The following BAZ2B variants were observed in gnomAD, a reference collection of about 807,000 sequenced individuals.
The protein encoded by BAZ2B is bromodomain adjacent to zinc finger domain protein 2B.
Under a neutral mutation model 246.0 loss-of-function variants are expected in BAZ2B, and 91 were observed. The observed-to-expected ratio is 0.37, with a 90% CI of 0.31 to 0.44. BAZ2B has a LOEUF of 0.44. BAZ2B is among the 20% of genes least tolerant of loss of function. BAZ2B has a pLI of 1.00. For synonymous variants in BAZ2B, 855 were observed against 860.0 expected, an observed-to-expected ratio of 0.99 and a Z score of 0.10; for missense variants, 2,332 against 2,533.7, an observed-to-expected ratio of 0.92 and a Z score of 1.71.
At chr2:159,441,106 T>A (rs1014994234) in intron 6 of BAZ2B, among the ~76,000 whole-genome samples, 3 of 152,164 alleles carry the variant, frequency 2.0e-5, no homozygotes, top group Non-Finnish European at 2.9e-5. Flanking sequence ...TTTCTAAGCA[T>A]GTATAGCAAG....
At chr2:159,635,757 G>A in the BAZ2B span, among the ~76,000 whole-genome samples, 1 of 152,008 alleles carries the variant, frequency 6.6e-6, no homozygotes, top group Admixed American at 6.6e-5. Context: ...TTGAAAACAT[G>A]CTTAATTGAA....
chr2:159,593,129 A>T (rs1050758548), intron 1 of BAZ2B, among the ~76,000 whole-genome samples: 1 of 152,228 alleles, frequency 6.6e-6, no homozygotes, highest in Non-Finnish European at 1.5e-5. Flanking sequence ...AATAAAAAGA[A>T]AATACATGTT....
intron 20 of BAZ2B, among the ~76,000 whole-genome samples, chr2:159,390,886 G>A (rs543811655): frequency 6.6e-6 from 1 of 152,286 alleles, no homozygotes; most frequent in Admixed American, 6.5e-5. Flanking sequence ...AAGCTTATAA[G>A]ATTGTTGACA....
At chr2:159,446,736 T>C (rs746803326) in intron 6 of BAZ2B, 46 bp downstream of exon 6, 1 of 1,484,850 alleles carries the variant, frequency 6.7e-7, no homozygotes. Flanking sequence ...AATGCTCATC[T>C]TATATATAGA....
At chr2:159,331,141 G>A (rs1319182031) in intron 34 of BAZ2B, among the ~76,000 whole-genome samples, 1 of 152,106 alleles carries the variant, frequency 6.6e-6, no homozygotes, top group Non-Finnish European at 1.5e-5. Context: ...TGGGATCTGA[G>A]GCACAAGTGG....
intron 36 of BAZ2B, among the ~76,000 whole-genome samples, chr2:159,321,259 A>G (rs1264854293): frequency 6.6e-6 from 1 of 152,228 alleles, no homozygotes; most frequent in Non-Finnish European, 1.5e-5. Flanking sequence ...ATTCTAACCT[A>G]TGACAATCTG....
At chr2:159,523,560 C>T (rs1353047165) in intron 2 of BAZ2B, among the ~76,000 whole-genome samples, 1 of 151,930 alleles carries the variant, frequency 6.6e-6, no homozygotes, top group East Asian at 1.9e-4. Flanking sequence ...AAAAATTAGC[C>T]GGGCATGGTG....
At chr2:159,390,472 TTA>T (rs1349877090) in intron 20 of BAZ2B, among the ~76,000 whole-genome samples, 1 of 152,162 alleles carries the variant, frequency 6.6e-6, no homozygotes, top group Non-Finnish European at 1.5e-5. Context: ...CCAATTTCTA[TTA>T]TGTTTCATAG....
At chr2:159,658,666 C>T in the BAZ2B span, among the ~76,000 whole-genome samples, 1 of 152,096 alleles carries the variant, frequency 6.6e-6, no homozygotes, top group African/African-American at 2.4e-5. Context: ...TACAGGCACG[C>T]ACCACTGAAG....
intron 2 of BAZ2B, among the ~76,000 whole-genome samples, chr2:159,553,921 C>A (rs2088709430): frequency 6.6e-6 from 1 of 152,176 alleles, no homozygotes; most frequent in South Asian, 2.1e-4. Flanking sequence ...CCTTTCCTGG[C>A]CTCATTTTAT....
At chr2:159,440,521 T>TG (rs2073188135) in intron 6 of BAZ2B, among the ~76,000 whole-genome samples, 1 of 151,316 alleles carries the variant, frequency 6.6e-6, no homozygotes, top group Non-Finnish European at 1.5e-5. Flanking sequence ...ACTCTTGTTT[T>TG]TTTTTTTTTT....
chr2:159,370,164 C>T (rs12475845), intron 27 of BAZ2B, among the ~76,000 whole-genome samples: 100,109 of 151,668 alleles, frequency 0.66, 35,286 homozygotes, highest in Non-Finnish European at 0.81. Flanking sequence ...ACACTGGGGC[C>T]TGTCGTGGGG....
At chr2:159,519,205 A>ATTTTTTTTTTT (rs2083771094) in intron 2 of BAZ2B, among the ~76,000 whole-genome samples, 1 of 56,488 alleles carries the variant, frequency 1.8e-5, no homozygotes, top group Non-Finnish European at 3.6e-5. Context: ...TTCATATTCT[A>ATTTTTTTTTTT]TTTTCTTTTT....
At chr2:159,480,470 A>C (rs925611893) in intron 2 of BAZ2B, among the ~76,000 whole-genome samples, 1 of 152,120 alleles carries the variant, frequency 6.6e-6, no homozygotes, top group African/African-American at 2.4e-5. Context: ...AAAATCAAGA[A>C]GGCAAAAGAA....
chr2:159,551,102 GC>G (rs753503138), intron 2 of BAZ2B, among the ~76,000 whole-genome samples: 2 of 152,114 alleles, frequency 1.3e-5, no homozygotes, highest in African/African-American at 4.8e-5. Context: ...CTCCCAAAGT[GC>G]TGGTATTACA....
At chr2:159,374,208 G>A (rs945919625) in intron 26 of BAZ2B, among the ~76,000 whole-genome samples, 2 of 150,772 alleles carry the variant, frequency 1.3e-5, no homozygotes, top group Non-Finnish European at 3.0e-5. Context: ...CTTCTGAAAT[G>A]GAATTTTTAA....
intron 33 of BAZ2B, among the ~76,000 whole-genome samples, chr2:159,334,879 AT>A (rs1353657735): frequency 6.6e-6 from 1 of 152,114 alleles, no homozygotes; most frequent in Non-Finnish European, 1.5e-5. Context: ...TACAAATTTC[AT>A]TTTGATCTAG....
chr2:159,411,251 T>G (rs1041247853), intron 14 of BAZ2B, among the ~76,000 whole-genome samples: 1 of 152,198 alleles, frequency 6.6e-6, no homozygotes, highest in Admixed American at 6.5e-5. Flanking sequence ...CTTAAATTCC[T>G]GGCCTCAAAC....
At chr2:159,628,197 A>G in the BAZ2B span, among the ~76,000 whole-genome samples, 8 of 152,344 alleles carry the variant, frequency 5.3e-5, no homozygotes, top group African/African-American at 1.9e-4. Context: ...AAAACATTCT[A>G]TGCTCATGGA....
Sources: allele counts gnomAD v4.1 joint callset (sites outside exome capture counted in the v4.1 genomes callset), GRCh38; gene constraint gnomAD v4.1.1; transcripts MANE v1.5; gene names NCBI Gene and HGNC (gene_info 2026-07-23, HGNC 2026-07-21).